TSPEAR: variants seen among roughly 807,000 people sequenced by gnomAD.
TSPEAR encodes thrombospondin-type laminin G domain and EAR repeat-containing protein.
TSPEAR carries 69 observed loss-of-function variants against 71.6 expected under a neutral mutation model. The ratio of observed to expected loss-of-function variants is 0.96; its 90% CI spans 0.79 to 1.18. The LOEUF is 1.18. Among genes scored for constraint, TSPEAR ranks in the 50% most tolerant of loss-of-function variants. The pLI, the probability that TSPEAR is intolerant of heterozygous loss-of-function variation, is 0.00. For missense variants in TSPEAR, 971 were observed against 894.9 expected, an observed-to-expected ratio of 1.09 and a Z score of -1.09; for synonymous variants, 402 against 387.2, an observed-to-expected ratio of 1.04 and a Z score of -0.45.
At chr21:44,632,573 C>T (rs1015630721) in intron 1 of TSPEAR, among the ~76,000 whole-genome samples, 8 of 152,354 alleles carry the variant, frequency 5.3e-5, no homozygotes, top group Admixed American at 2.6e-4. Context: ...CAGTGGCTCA[C>T]GCCTGTAATC....
rs1978744574 is a variant in TSPEAR, at chr21:44,579,684, C to A, written c.83-11679G>T. On this transcript the variant is annotated intron_variant, in intron 1 of 11. Coordinates refer to ENST00000323084, the MANE Select transcript of TSPEAR (RefSeq NM_144991.3). ...GGGGCCCCGTCCCAAGCGGGGGCAA[C>A]CTCCTAACCCGAGTCAGGACCAGTT... 2.0e-6 allele frequency: 3 copies of A among 1,535,090 alleles called. No individual in the cohort carries two copies. The Admixed American group carries it at 5.8e-5, about 30-fold the overall frequency.
At chr21:44,682,758 C>T (rs567689976) in intron 1 of TSPEAR, among the ~76,000 whole-genome samples, 1 of 152,300 alleles carries the variant, frequency 6.6e-6, no homozygotes, top group African/African-American at 2.4e-5. Context: ...GCAGTGTCAC[C>T]TTCCAAAATG....
intron 1 of TSPEAR, chr21:44,638,483 G>A (rs1456863889): frequency 8.1e-6 from 3 of 370,674 alleles, no homozygotes; most frequent in African/African-American, 2.1e-5. Flanking sequence ...GACCCCCGGG[G>A]GGGCACAGGG....
At chr21:44,678,013 C>G (rs1337822163) in intron 1 of TSPEAR, 2 of 855,502 alleles carry the variant, frequency 2.3e-6, no homozygotes, top group Non-Finnish European at 2.0e-6. Context: ...TCACAGTGGA[C>G]GGAGGACTAA....
At chr21:44,650,465 G>T (rs1359194327) in intron 1 of TSPEAR, among the ~76,000 whole-genome samples, 1 of 152,272 alleles carries the variant, frequency 6.6e-6, no homozygotes, top group Non-Finnish European at 1.5e-5. Context: ...CAGAGATTGG[G>T]GCCACGTGAT....
chr21:44,601,694 C>T lies in TSPEAR; in HGVS notation c.83-33689G>A, dbSNP rs782544564. 3.1e-6 allele frequency: 5 copies of T among 1,612,166 alleles called. No homozygotes were observed. The African/African-American group carries it at 5.3e-5, about 17-fold the overall frequency. ...TGCCGCCCCGCATGCTCCCGCCCGGCCTGCTGTGGCCCCACCTCAACCCAG... is the reference window on the plus strand; with the variant it reads ...TGCCGCCCCGCATGCTCCCGCCCGGTCTGCTGTGGCCCCACCTCAACCCAG... On this transcript the variant is annotated intron_variant, in intron 1 of 11. Coordinates refer to ENST00000323084, the MANE Select transcript of TSPEAR (RefSeq NM_144991.3).
At chr21:44,709,538 G>C (rs1988109018) in intron 1 of TSPEAR, among the ~76,000 whole-genome samples, 1 of 152,252 alleles carries the variant, frequency 6.6e-6, no homozygotes, top group Admixed American at 6.5e-5. Context: ...GACAACTCCA[G>C]AGAAGGCGCA....
chr21:44,660,591 G>A (rs1446541342), intron 1 of TSPEAR, among the ~76,000 whole-genome samples: 1 of 152,212 alleles, frequency 6.6e-6, no homozygotes, highest in Non-Finnish European at 1.5e-5. Context: ...AACAGCACAC[G>A]TGCACTATAA....
intron 1 of TSPEAR, among the ~76,000 whole-genome samples, chr21:44,663,241 G>C (rs1363188175): frequency 2.0e-5 from 3 of 151,088 alleles, no homozygotes; most frequent in Admixed American, 1.3e-4. Context: ...GAAAAAAAAA[G>C]ACACAAAATA....
At chr21:44,524,106 G>GATA (rs1555914632) in intron 8 of TSPEAR, among the ~76,000 whole-genome samples, 1 of 150,452 alleles carries the variant, frequency 6.6e-6, no homozygotes, top group African/African-American at 2.5e-5. Context: ...GAGGTAGTCA[G>GATA]GTAGTCAGTC....
chr21:44,553,742 G>A (rs1314451663), intron 2 of TSPEAR, among the ~76,000 whole-genome samples: 5 of 152,098 alleles, frequency 3.3e-5, no homozygotes, highest in African/African-American at 1.2e-4. Context: ...GCATTGACGA[G>A]TTTTTCAATG....
At chr21:44,542,108 C>G (rs2053231350) in intron 2 of TSPEAR, among the ~76,000 whole-genome samples, 1 of 152,124 alleles carries the variant, frequency 6.6e-6, no homozygotes, top group Non-Finnish European at 1.5e-5. Context: ...ATTTCAGTGT[C>G]AAACTGGATT....
At position 44,527,375 on chromosome 21, in the gene TSPEAR, A is replaced by G. The variant is rs1569165610; in HGVS notation, c.1066T>C (p.Trp356Arg). The G allele has an allele frequency of 1.9e-6, 3 of 1,614,192 alleles. No individual in the cohort carries two copies. Among genetic ancestry groups the G allele is most frequent in the Non-Finnish European group, 2.5e-6 (3 of 1,180,032 alleles). The change falls in exon 7 of 12, where the codon TGG becomes CGG. Residue 356 changes from tryptophan (W) to arginine (R), a missense_variant. Transcript: ENST00000323084. ...TATGAGACGAACTTCTCTTCGGTCC[A>G]CTTGTAGACGGCGGATGTGGCTTTG... ...NRKATSAVYKWTEEKFVSYQN... is the reference protein window; with the variant it reads ...NRKATSAVYKRTEEKFVSYQN...
At chr21:44,538,428 C>CGG (rs2053132384) in intron 2 of TSPEAR, among the ~76,000 whole-genome samples, 3 of 126,342 alleles carry the variant, frequency 2.4e-5, no homozygotes, top group Admixed American at 7.3e-5. Context: ...TGCTGCCCCC[C>CGG]CCCCCCCCAA....
chr21:44,628,723 G>C (rs1983064555), intron 1 of TSPEAR, among the ~76,000 whole-genome samples: 1 of 152,168 alleles, frequency 6.6e-6, no homozygotes, highest in Non-Finnish European at 1.5e-5. Context: ...TGTGCTGGGA[G>C]GTGGGAGACG....
chr21:44,618,018 C>T (rs1268973698), intron 1 of TSPEAR, among the ~76,000 whole-genome samples: 11 of 152,154 alleles, frequency 7.2e-5, no homozygotes, highest in Admixed American at 1.3e-4. Context: ...AATGGTGGAG[C>T]GGGGAACTGT....
At chr21:44,518,520 G>T (rs1555913810) in intron 9 of TSPEAR, 3 of 402,170 alleles carry the variant, frequency 7.5e-6, no homozygotes, top group Non-Finnish European at 1.6e-5. Context: ...CTCACTTTGT[G>T]ATTTAGAATG....
rs371007334 is a variant in TSPEAR, at chr21:44,504,905, T to C, written c.1755-24A>G. ...CACTGCAGGAACAAGTGGGTGGATA[T>C]TAGGACACAACAGACATCGCCAGGG... On this transcript the variant is annotated intron_variant, in intron 10 of 11. Transcript: ENST00000323084. 1.3e-5 allele frequency: 20 copies of C among 1,572,320 alleles called. No homozygotes were observed. In the African/African-American group the frequency reaches 2.6e-4, roughly 20 times the overall value.
intron 11 of TSPEAR, among the ~76,000 whole-genome samples, chr21:44,502,988 TG>T (rs2052072128): frequency 6.7e-5 from 1 of 14,870 alleles, no homozygotes; most frequent in African/African-American, 2.2e-4. Context: ...GAGCCCACAG[TG>T]GGGAAGCAAG....
Sources: gnomAD v4.1 joint callset for allele counts (sites outside exome capture counted in the v4.1 genomes callset) on GRCh38, gnomAD v4.1.1 for gene constraint, MANE v1.5 for transcripts, NCBI Gene and HGNC (gene_info 2026-07-23, HGNC 2026-07-21) for gene names.